PCDH15: variants seen among roughly 807,000 people sequenced by gnomAD.
The protein encoded by PCDH15 is protocadherin related 15.
In PCDH15, 129 loss-of-function variants were observed where a neutral mutation model predicts 178.5. That is an observed-to-expected ratio of 0.72 (90% CI 0.63 to 0.84). The LOEUF is 0.84. PCDH15 is among the 40% of genes least tolerant of loss of function. The pLI is 0.00. For synonymous variants in PCDH15, 800 were observed against 732.0 expected (o/e 1.09, Z -1.50); for missense variants, 2,230 against 2,099.9 (o/e 1.06, Z -1.21).
chr10:55,267,874 A>G (rs1313634841), intron 1 of PCDH15, among the ~76,000 whole-genome samples: 1 of 152,206 alleles, frequency 6.6e-6, no homozygotes, highest in East Asian at 1.9e-4. Context: ...ATGCCTAAAA[A>G]TATATTGGTG....
chr10:54,955,436 A>G (rs1312866905), intron 2 of PCDH15, among the ~76,000 whole-genome samples: 4 of 151,316 alleles, frequency 2.6e-5, no homozygotes, highest in African/African-American at 9.7e-5. Context: ...GTTTACCTAC[A>G]ATTTCAATAT....
chr10:55,035,355 T>C (rs1332117355), intron 2 of PCDH15, among the ~76,000 whole-genome samples: 1 of 152,144 alleles, frequency 6.6e-6, no homozygotes, highest in African/African-American at 2.4e-5. Flanking sequence ...ATAGCCTATC[T>C]TGTCTTTCCT....
chr10:55,159,032 C>T (rs1481272336), intron 2 of PCDH15, among the ~76,000 whole-genome samples: 1 of 151,872 alleles, frequency 6.6e-6, no homozygotes, highest in Admixed American at 6.6e-5. Context: ...TATTATTATC[C>T]TCATTTTAAA....
Position 55,520,319 on chromosome 10 carries a change from G to A in PCDH15, c.-156+107306C>T, listed in dbSNP as rs1469614888. The stretch of plus-strand genomic sequence containing the variant: ...AATATGTATATATATATATATACAT[G>A]CAATGTGTATATATATATATATATA... On this transcript the variant is annotated intron_variant, in intron 2 of 5. Coordinates refer to the PCDH15 transcript ENST00000613346. Among the ~76,000 whole-genome samples, 3 of 29,204 alleles carry A rather than the reference G, an allele frequency of 1.0e-4. 1 individual carries two copies. The highest frequency in any genetic ancestry group is 4.9e-4 in the African/African-American group (3 of 6,118). The allele number at this position is 29,204 out of a possible 152,430, so 19.2% of individuals were successfully genotyped here. A position where few individuals can be genotyped will look rare whatever the true frequency, so the allele number is the denominator to read the frequency against.
intron 3 of PCDH15, among the ~76,000 whole-genome samples, chr10:54,872,950 C>T (rs1954066143): frequency 6.6e-6 from 1 of 152,002 alleles, no homozygotes; most frequent in Non-Finnish European, 1.5e-5. Flanking sequence ...TCTCAAAGGA[C>T]ATACTTGTCA....
At chr10:55,614,484 G>C (rs544802555) in intron 2 of PCDH15, among the ~76,000 whole-genome samples, 6 of 152,164 alleles carry the variant, frequency 3.9e-5, no homozygotes, top group African/African-American at 1.2e-4. Flanking sequence ...AGTGCATGAG[G>C]GATAAAGCAA....
At chr10:54,458,124 T>C (rs1328367722) in intron 3 of PCDH15, among the ~76,000 whole-genome samples, 6 of 152,314 alleles carry the variant, frequency 3.9e-5, no homozygotes, top group East Asian at 1.9e-4. Context: ...TTTTCTTTTA[T>C]TAAAGTTGAA....
intron 2 of PCDH15, among the ~76,000 whole-genome samples, chr10:55,345,081 TCTC>T (rs1166026333): frequency 5.9e-5 from 9 of 152,040 alleles, no homozygotes; most frequent in African/African-American, 2.2e-4. Context: ...TCTCTATATC[TCTC>T]TGTTTCTTTG....
intron 1 of PCDH15, among the ~76,000 whole-genome samples, chr10:54,705,523 C>A (rs1452123362): frequency 6.6e-6 from 1 of 151,940 alleles, no homozygotes; most frequent in African/African-American, 2.4e-5. Context: ...ATATTTTAAG[C>A]GTAATATTTC....
chr10:55,197,242 T>C (rs1840117058), intron 1 of PCDH15, among the ~76,000 whole-genome samples: 1 of 152,070 alleles, frequency 6.6e-6, no homozygotes. Context: ...GTAAATAAAT[T>C]GAAAACGTTT....
rs183132534 is a variant in PCDH15 at position 55,290,953 on chromosome 10, C to G, written c.-156+28646G>C. On this transcript the variant is annotated intron_variant, in intron 1 of 5. Coordinates refer to the PCDH15 transcript ENST00000458638. ...TCCAGAACTGAAAAATTCTAAGTGTCTTCCTTAAATTCCCAACACAACATT... is the reference window on the plus strand; with the variant it reads ...TCCAGAACTGAAAAATTCTAAGTGTGTTCCTTAAATTCCCAACACAACATT... 3.3e-5 allele frequency among the ~76,000 whole-genome samples: 5 copies of G among 152,182 alleles called. No homozygotes were observed. The East Asian group carries it at 7.7e-4, about 24-fold the overall frequency.
chr10:55,476,620 GA>G (rs1170030924), intron 2 of PCDH15, among the ~76,000 whole-genome samples: 1 of 151,856 alleles, frequency 6.6e-6, no homozygotes, highest in African/African-American at 2.4e-5. Context: ...AGTTCCAAAA[GA>G]AACAATGAAA....
chr10:53,817,911 C>A, intron 34 of PCDH15, 84 bp downstream of exon 34: 1 of 397,996 alleles, frequency 2.5e-6, no homozygotes, highest in South Asian at 1.3e-4. Context: ...TAAACTAGTT[C>A]AAAAGAATGT....
At chr10:54,112,124 A>AGAGT (rs887028218) in intron 15 of PCDH15, among the ~76,000 whole-genome samples, 5 of 152,076 alleles carry the variant, frequency 3.3e-5, no homozygotes, top group African/African-American at 9.7e-5. Flanking sequence ...ACTGAGTGAC[A>AGAGT]GAGTGAGACT....
chr10:54,614,571 A>G (rs1008397195), intron 2 of PCDH15, among the ~76,000 whole-genome samples: 1 of 152,046 alleles, frequency 6.6e-6, no homozygotes, highest in Non-Finnish European at 1.5e-5. Context: ...TTATATTACA[A>G]TTGTATTTGT....
At chr10:54,977,630 A>C (rs561240861) in intron 2 of PCDH15, among the ~76,000 whole-genome samples, 3 of 152,288 alleles carry the variant, frequency 2.0e-5, no homozygotes, top group East Asian at 3.9e-4. Context: ...AATGCCCAAT[A>C]AGCAGCCCTT....
intron 3 of PCDH15, among the ~76,000 whole-genome samples, chr10:54,490,266 C>T (rs759683019): frequency 9.2e-5 from 14 of 151,808 alleles, no homozygotes; most frequent in Admixed American, 2.0e-4. Flanking sequence ...CTGGCTAACA[C>T]GGTGAAACTC....
intron 3 of PCDH15, among the ~76,000 whole-genome samples, chr10:54,876,251 A>AT (rs1954141458): frequency 6.6e-6 from 1 of 151,562 alleles, no homozygotes; most frequent in Non-Finnish European, 1.5e-5. Flanking sequence ...CAGAAAAAAA[A>AT]ATTTTTAATA....
At chr10:54,626,754 T>C (rs1168421524) in intron 2 of PCDH15, among the ~76,000 whole-genome samples, 2 of 152,128 alleles carry the variant, frequency 1.3e-5, no homozygotes, top group Admixed American at 6.5e-5. Context: ...CTAGTAGAGC[T>C]GTGAGAAAAG....
Sources: allele counts gnomAD v4.1 joint callset (sites outside exome capture counted in the v4.1 genomes callset), GRCh38; gene constraint gnomAD v4.1.1; transcripts MANE v1.5; gene names NCBI Gene and HGNC (gene_info 2026-07-23, HGNC 2026-07-21).